VCP: variants seen among roughly 807,000 people sequenced by gnomAD.
VCP encodes transitional endoplasmic reticulum ATPase.
VCP carries 6 observed loss-of-function variants against 85.7 expected under a neutral mutation model. The ratio of observed to expected loss-of-function variants is 0.07; its 90% CI spans 0.04 to 0.14. VCP has a LOEUF of 0.14. Among genes scored for constraint, VCP ranks in the 10% least tolerant of loss-of-function variants. VCP has a pLI of 1.00. For missense variants in VCP, 353 were observed against 1,043.4 expected (o/e 0.34, Z 9.12); for synonymous variants, 384 against 367.1 (o/e 1.05, Z -0.53).
At chr9:35,068,452 AGAT>A in intron 1 of VCP, 90 bp from the exon 2 acceptor site, 1 of 1,169,224 alleles carries the variant, frequency 8.6e-7, no homozygotes, top group South Asian at 1.2e-5. Flanking sequence ...AACAGTGAAT[AGAT>A]GAAGCTGTCC....
chr9:35,061,234 G>A (rs1313063138), intron 10 of VCP, 55 bp from the exon 11 acceptor site: 6 of 1,609,498 alleles, frequency 3.7e-6, no homozygotes, highest in Non-Finnish European at 5.1e-6. Context: ...TGCTGCAGGA[G>A]GCTCAGAGAC....
intron 12 of VCP, 43 bp from the exon 13 acceptor site, chr9:35,060,568 T>A (rs1828701334): frequency 1.3e-6 from 2 of 1,599,838 alleles, no homozygotes; most frequent in Non-Finnish European, 1.7e-6. Flanking sequence ...CCTCCACATT[T>A]TGAAAGAAAC....
Position 35,061,566 on chromosome 9 carries a change from C to T in VCP, c.1194+11G>A. 1.9e-6 allele frequency: 3 copies of T among 1,613,028 alleles called. No individual in the cohort carries two copies. In the South Asian group the frequency reaches 3.3e-5, roughly 18 times the overall value. On this transcript the variant is annotated intron_variant, in intron 10 of 16. Coordinates refer to ENST00000358901, the MANE Select transcript of VCP (RefSeq NM_007126.5). ...ACTGTAACGCCTGGTCAGCCATCAT[C>T]ATCACTTCACCTGTTCCAGGTCCAC...
intron 6 of VCP, 28 bp from the exon 7 acceptor site, chr9:35,063,108 G>A (rs778838414): frequency 6.2e-7 from 1 of 1,609,146 alleles, no homozygotes; most frequent in Non-Finnish European, 8.5e-7. Flanking sequence ...GTGTGATTAG[G>A]TTCCCACCTT....
Position 35,061,131 on chromosome 9 carries a change from A to G in VCP, c.1243T>C (p.Cys415Arg). ...ATGGCTTGCAGAGCAGCCTCTGAGC[A>G]CAGGGCTGCTAAGTCAGCACCCACA... ...GHVGADLAALCSEAALQAIRK... is the reference protein window; with the variant it reads ...GHVGADLAALRSEAALQAIRK... Residue 415 changes from cysteine (C) to arginine (R), a missense_variant, in exon 11 of 17, where the codon TGC becomes CGC. Physicochemically the swap from Cys to Arg is radical, Grantham distance 180. Around this residue, in one of 8 missense-constraint regions of VCP, gnomAD observed 6 missense variants for 34.5 expected, o/e 0.17. Coordinates refer to ENST00000358901, the MANE Select transcript of VCP (RefSeq NM_007126.5). 1 of 1,614,064 alleles carries G rather than the reference A, an allele frequency of 6.2e-7. No homozygotes were observed. Among genetic ancestry groups the G allele is most frequent in the Non-Finnish European group, 8.5e-7 (1 of 1,180,028 alleles).
intron 10 of VCP, 142 bp downstream of exon 10, chr9:35,061,434 TG>T: frequency 1.1e-6 from 1 of 948,380 alleles, no homozygotes; most frequent in Non-Finnish European, 1.7e-6. Context: ...TCCCATTTCC[TG>T]GATTCAATCT....
At position 35,066,834 on chromosome 9, in the gene VCP, G is replaced by A. The variant is rs756802978; in HGVS notation, c.303-17C>T. The A allele has an allele frequency of 3.2e-5, 51 of 1,613,842 alleles. No individual in the cohort carries two copies. Reference sequence around the variant, plus strand: ...GGCTGGATGCTGAGGATGACAAGCAGACTCCATATTACCAACCACACTTCG... The same window carrying A: ...GGCTGGATGCTGAGGATGACAAGCAAACTCCATATTACCAACCACACTTCG... On this transcript the variant is annotated splice_polypyrimidine_tract_variant and intron_variant, in intron 3 of 16. Coordinates refer to ENST00000358901, the MANE Select transcript of VCP (RefSeq NM_007126.5).
At chr9:35,071,760 C>T (rs1469491824) in intron 1 of VCP, 5 of 989,644 alleles carry the variant, frequency 5.1e-6, no homozygotes, top group East Asian at 1.1e-4. Context: ...TGCCCACCTC[C>T]GGCCCCGCCG....
At chr9:35,060,948 A>G (rs1251021133) in intron 11 of VCP, 25 bp from the exon 12 acceptor site, 2 of 1,614,184 alleles carry the variant, frequency 1.2e-6, no homozygotes, top group South Asian at 2.2e-5. Flanking sequence ...AAAACTGGGG[A>G]TGAGACTTAT....
chr9:35,067,887 AC>A lies in VCP; in HGVS notation c.302+3del, dbSNP rs1425369926. 6.2e-7 allele frequency: 1 copy of A among 1,614,056 alleles called. No individual in the cohort carries two copies. Among genetic ancestry groups the A allele is most frequent in the African/African-American group, 1.3e-5 (1 of 74,910 alleles). ...CCCTGTGAAGCCAAAAACCCCACACACACCTGATGACATCCCCTAGGCGTAC... is the reference window on the plus strand; with the variant it reads ...CCCTGTGAAGCCAAAAACCCCACACAACCTGATGACATCCCCTAGGCGTAC... On this transcript the variant is annotated splice_donor_region_variant and intron_variant, in intron 3 of 16. Coordinates refer to ENST00000358901, the MANE Select transcript of VCP (RefSeq NM_007126.5).
At chr9:35,068,108 G>C in intron 2 of VCP, 45 bp from the exon 3 acceptor site, 1 of 1,613,146 alleles carries the variant, frequency 6.2e-7, no homozygotes, top group Middle Eastern at 1.6e-4. Context: ...GGCTGACGGG[G>C]AGTAAGCAGC....
At chr9:35,068,860 C>T (rs563400414) in intron 1 of VCP, among the ~76,000 whole-genome samples, 60 of 152,140 alleles carry the variant, frequency 3.9e-4, no homozygotes, top group Non-Finnish European at 7.8e-4. Flanking sequence ...ATCTCAGAGG[C>T]TTATTGTCTT....
In VCP at chr9:35,059,700, T is replaced by G. The variant is rs1348459012; in HGVS notation, c.1797A>C (p.Arg599=). Residue 599 remains arginine (R), a synonymous_variant, in exon 14 of 17, where the codon CGA becomes CGC. Transcript: ENST00000358901. This position sits in a 1 kb window ranked among gnomAD's most constrained non-coding sequence, Gnocchi z 4.9. ...NIGDGGGAAD[R]VINQILTEMD... is the part of the protein sequence containing the mutation. ...TTTCTGTCAGGATCTGGTTGATGAC[T>G]CGGTCAGCAGCCCCACCACCATCTC... is the stretch of plus-strand genomic sequence containing the variant. 6.2e-7 allele frequency: 1 copy of G among 1,614,100 alleles called. No individual in the cohort carries two copies. The highest frequency in any genetic ancestry group is 1.7e-5 in the Admixed American group (1 of 60,014).
rs1828617719 is a variant in VCP, at chr9:35,056,878, T to C, written c.*239A>G. 4 of 502,722 alleles carry C rather than the reference T, an allele frequency of 8.0e-6. No individual in the cohort carries two copies. Among genetic ancestry groups the C allele is most frequent in the African/African-American group, 3.9e-5 (2 of 51,694 alleles). The allele number at this position is 502,722 out of a possible 1,614,324, so 31.1% of individuals were successfully genotyped here. On this transcript the variant is annotated 3_prime_UTR_variant, in exon 17 of 17. Transcript: ENST00000358901. ...GAAATGGCATAGGCCCAAGGCCCAA[T>C]TCCCTGTTGGTAATTCACTCTCCGC...
At chr9:35,071,913 C>T in intron 1 of VCP, 1 of 1,004,434 alleles carries the variant, frequency 1.0e-6, no homozygotes, top group Admixed American at 6.1e-5. Flanking sequence ...GGGCCTCGGG[C>T]TCGCGGGGCC....
Position 35,059,829 on chromosome 9 carries a change from A to C in VCP, c.1696-28T>G, listed in dbSNP as rs1828685660. 6.2e-7 allele frequency: 1 copy of C among 1,614,040 alleles called. No homozygotes were observed. On this transcript the variant is annotated intron_variant, in intron 13 of 16. Coordinates refer to ENST00000358901, the MANE Select transcript of VCP (RefSeq NM_007126.5). This position sits in a 1 kb window ranked among gnomAD's most constrained non-coding sequence, Gnocchi z 4.9. The stretch of plus-strand genomic sequence containing the variant: ...GTAGGAGGAATGGATTGATTCAAGC[A>C]CTAACAAAACTAGATGTCTCTAGGC...
At position 35,072,570 on chromosome 9, in the gene VCP, G is replaced by A. The variant is rs1587136049; in HGVS notation, c.-217C>T. ...GATCCGCGAGGTGGCAGTGGCAGTG[G>A]CAGCGGCAGCGGCAGCGACGACTCA... On this transcript the variant is annotated 5_prime_UTR_variant, in exon 1 of 17. Coordinates refer to ENST00000358901, the MANE Select transcript of VCP (RefSeq NM_007126.5). The A allele has an allele frequency of 1.2e-5, 6 of 510,126 alleles. No homozygotes were observed. Among genetic ancestry groups the A allele is most frequent in the Non-Finnish European group, 2.0e-5 (6 of 303,098 alleles). 31.6% of individuals were successfully genotyped at this position (510,126 alleles called of 1,614,324 possible).
chr9:35,058,335 A>G (rs945542874), intron 15 of VCP, among the ~76,000 whole-genome samples: 1 of 152,236 alleles, frequency 6.6e-6, no homozygotes, highest in African/African-American at 2.4e-5. Context: ...AACACAAGAC[A>G]TAGTGGAAAA....
chr9:35,057,729 T>TGGAAA (rs1365051411), intron 15 of VCP, 199 bp from the exon 16 acceptor site: 1 of 681,306 alleles, frequency 1.5e-6, no homozygotes, highest in African/African-American at 1.8e-5. Flanking sequence ...GGGAAAACTG[T>TGGAAA]AGGGACAGAA....
Sources: allele counts gnomAD v4.1 joint callset (sites outside exome capture counted in the v4.1 genomes callset), GRCh38; gene constraint gnomAD v4.1.1; regional missense constraint gnomAD v4.1.1; non-coding constraint Gnocchi (gnomAD v3.1); transcripts MANE v1.5; gene names NCBI Gene and HGNC (gene_info 2026-07-23, HGNC 2026-07-21).